Variants in UBE2V1 observed in about 807,000 individuals in gnomAD.
UBE2V1 encodes ubiquitin conjugating enzyme E2 V1.
A neutral mutation model predicts 19.6 loss-of-function variants in UBE2V1; 15 were observed. That is an observed-to-expected ratio of 0.77 (90% CI 0.51 to 1.18). The LOEUF (loss-of-function observed/expected upper bound fraction) is 1.18. UBE2V1 is among the 50% of genes most tolerant of loss of function. The pLI is 0.00. For synonymous variants in UBE2V1, 60 were observed against 60.7 expected (o/e 0.99, Z 0.05); for missense variants, 125 against 184.8 (o/e 0.68, Z 1.88).
chr20:50,095,042 T>G (rs1209705910), intron 2 of UBE2V1: 1 of 152,238 alleles, frequency 6.6e-6, no homozygotes, highest in Non-Finnish European at 1.5e-5. Context: ...TGCATTGTTT[T>G]GTGTGTTTTT....
chr20:50,083,008 T>C, intron 3 of UBE2V1, 94 bp from the exon 4 acceptor site: 3 of 1,545,646 alleles, frequency 1.9e-6, no homozygotes, highest in Non-Finnish European at 2.6e-6. Flanking sequence ...TGGAGTAAGA[T>C]GTACTTTTTA....
At chr20:50,100,464 A>G (rs1259769331) in intron 1 of UBE2V1, among the ~76,000 whole-genome samples, 1 of 151,974 alleles carries the variant, frequency 6.6e-6, no homozygotes, top group Non-Finnish European at 1.5e-5. Context: ...GTGCACCTGT[A>G]GTCCCAGCTA....
In UBE2V1 at chr20:50,083,229, C is replaced by T. The variant is rs117802526; in HGVS notation, c.298-315G>A. The stretch of plus-strand genomic sequence containing the variant: ...CTGCTGGGCTGGCGGCTGCCGGGCT[C>T]AGGACCTGTCCTCTTCACTGCGCCC... On this transcript the variant is annotated intron_variant, in intron 3 of 3. Transcript: ENST00000371674. Among the ~76,000 whole-genome samples the T allele has an allele frequency of 2.0e-5, 3 of 152,366 alleles. No homozygotes were observed. The East Asian group carries it at 5.8e-4, about 29-fold the overall frequency.
At chr20:50,083,045 C>G (rs1224036135) in intron 3 of UBE2V1, 131 bp from the exon 4 acceptor site, 1 of 1,413,016 alleles carries the variant, frequency 7.1e-7, no homozygotes, top group Admixed American at 2.5e-5. Context: ...AATCCTAATA[C>G]CTTACATGCG....
At chr20:50,087,465 T>G (rs1199081199) in intron 2 of UBE2V1, among the ~76,000 whole-genome samples, 1 of 152,070 alleles carries the variant, frequency 6.6e-6, no homozygotes, top group Non-Finnish European at 1.5e-5. Context: ...GGTTTTTTTA[T>G]TTTGTTCATG....
intron 1 of UBE2V1, among the ~76,000 whole-genome samples, chr20:50,102,117 C>T (rs2080039533): frequency 6.6e-6 from 1 of 152,154 alleles, no homozygotes; most frequent in Non-Finnish European, 1.5e-5. Flanking sequence ...AAGCATTTGC[C>T]TAGAGCAAAC....
chr20:50,101,814 T>C lies in UBE2V1; in HGVS notation c.23-4994A>G, dbSNP rs985488527. Among the ~76,000 whole-genome samples, 9 of 152,136 alleles carry C rather than the reference T, an allele frequency of 5.9e-5. 1 individual carries two copies. The highest frequency in any genetic ancestry group is 5.9e-4 in the Admixed American group (9 of 15,252). ...TCCCTAACACAGTCTAAGGTGTCAG[T>C]GTGGAAACAAGATATACACAAAGGG... On this transcript the variant is annotated intron_variant, in intron 1 of 3. Coordinates refer to ENST00000371674, the MANE Select transcript of UBE2V1 (RefSeq NM_001032288.3).
intron 2 of UBE2V1, chr20:50,084,650 T>C (rs2078803917): frequency 2.3e-6 from 1 of 428,156 alleles, no homozygotes; most frequent in Admixed American, 2.6e-5. Context: ...AATAACACTA[T>C]GTGGTATTAA....
intron 1 of UBE2V1, among the ~76,000 whole-genome samples, chr20:50,097,303 A>C (rs888017805): frequency 6.6e-6 from 1 of 152,218 alleles, no homozygotes; most frequent in Non-Finnish European, 1.5e-5. Context: ...TAATCAACTA[A>C]GAGTCAACTG....
chr20:50,104,886 C>G (rs1231907104), intron 1 of UBE2V1, among the ~76,000 whole-genome samples: 2 of 151,832 alleles, frequency 1.3e-5, no homozygotes, highest in Admixed American at 6.6e-5. Context: ...GCCACGACAC[C>G]CAGTTAATTC....
intron 2 of UBE2V1, chr20:50,096,468 C>G: frequency 7.4e-7 from 1 of 1,346,560 alleles, no homozygotes; most frequent in Non-Finnish European, 1.0e-6. Flanking sequence ...TGAGTCTAAA[C>G]AGGTTTTTGC....
At chr20:50,084,277 T>G (rs1363491114) in intron 2 of UBE2V1, 23 bp from the exon 3 acceptor site, 4 of 1,610,288 alleles carry the variant, frequency 2.5e-6, no homozygotes, top group Non-Finnish European at 3.4e-6. Flanking sequence ...AGTACGGAGA[T>G]GTCACGCAAT....
intron 1 of UBE2V1, among the ~76,000 whole-genome samples, chr20:50,098,319 C>G (rs779176836): frequency 6.6e-6 from 1 of 152,114 alleles, no homozygotes; most frequent in Admixed American, 6.6e-5. Context: ...GATGAGAGAG[C>G]AAGAGGAGAT....
At chr20:50,087,447 G>A (rs2078987082) in intron 2 of UBE2V1, among the ~76,000 whole-genome samples, 1 of 151,416 alleles carries the variant, frequency 6.6e-6, no homozygotes, top group Non-Finnish European at 1.5e-5. Context: ...CAGGGTTACA[G>A]GGTTTCTGGT....
chr20:50,093,361 T>A (rs772178768), intron 2 of UBE2V1, among the ~76,000 whole-genome samples: 2 of 152,252 alleles, frequency 1.3e-5, no homozygotes, highest in Non-Finnish European at 2.9e-5. Flanking sequence ...TCTATTTAGA[T>A]GCTTTAATAA....
rs35294473 is a variant in UBE2V1, at chr20:50,106,877, A to C, written c.22+6230T>G. On this transcript the variant is annotated intron_variant, in intron 1 of 3. Transcript: ENST00000371674. ...ACAACAACAACAACAACAACAACAAAAAAAAAAAAACAAAAAAAAGGTAGA... is the reference window on the plus strand; with the variant it reads ...ACAACAACAACAACAACAACAACAACAAAAAAAAAACAAAAAAAAGGTAGA... 9.8e-3 allele frequency among the ~76,000 whole-genome samples: 763 copies of C among 77,794 alleles called. 3 individuals carry two copies. The highest frequency in any genetic ancestry group is 0.015 in the African/African-American group (330 of 22,300). The allele number at this position is 77,794 out of a possible 152,430, so 51.0% of individuals were successfully genotyped here. A position where few individuals can be genotyped will look rare whatever the true frequency, so the allele number is the denominator to read the frequency against.
chr20:50,098,113 A>T (rs1285041752), intron 1 of UBE2V1, among the ~76,000 whole-genome samples: 2 of 152,130 alleles, frequency 1.3e-5, no homozygotes, highest in Admixed American at 6.5e-5. Flanking sequence ...TTTTAAATGG[A>T]GGGATAAAGG....
intron 1 of UBE2V1, among the ~76,000 whole-genome samples, chr20:50,102,261 A>G (rs2080047689): frequency 6.6e-6 from 1 of 152,242 alleles, no homozygotes; most frequent in African/African-American, 2.4e-5. Flanking sequence ...TCAAAAAACA[A>G]CAACAACAAA....
chr20:50,112,689 C>T (rs1460274666), intron 1 of UBE2V1, among the ~76,000 whole-genome samples: 2 of 152,226 alleles, frequency 1.3e-5, no homozygotes, highest in Non-Finnish European at 2.9e-5. Flanking sequence ...ATCCCAAGGC[C>T]CCTCTCAGCC....
Sources: gnomAD v4.1 joint callset for allele counts (sites outside exome capture counted in the v4.1 genomes callset) on GRCh38, gnomAD v4.1.1 for gene constraint, MANE v1.5 for transcripts, NCBI Gene and HGNC (gene_info 2026-07-23, HGNC 2026-07-21) for gene names.